The following CPS1 variants were observed in gnomAD, a reference collection of about 807,000 sequenced individuals.
The protein encoded by CPS1 is carbamoyl-phosphate synthase 1.
In CPS1, 109 loss-of-function variants were observed where a neutral mutation model predicts 174.6. That is an observed-to-expected ratio of 0.62 (90% CI 0.53 to 0.73). The LOEUF is 0.73. CPS1 is among the 30% of genes least tolerant of loss of function. The pLI is 0.00. For synonymous variants in CPS1, 637 were observed against 632.0 expected, an observed-to-expected ratio of 1.01 and a Z score of -0.12; for missense variants, 1,689 against 1,821.9, an observed-to-expected ratio of 0.93 and a Z score of 1.33.
At chr2:210,540,809 C>T (rs1400269830) in intron 1 of CPS1, among the ~76,000 whole-genome samples, 2 of 152,062 alleles carry the variant, frequency 1.3e-5, no homozygotes, top group Admixed American at 6.6e-5. Flanking sequence ...TTTATAATAT[C>T]GACTACTTTG....
In CPS1 at chr2:210,577,402, T is replaced by C; in HGVS notation, c.382-19T>C. The C allele has an allele frequency of 6.3e-7, 1 of 1,589,276 alleles. No individual in the cohort carries two copies. Among genetic ancestry groups the C allele is most frequent in the Non-Finnish European group, 8.6e-7 (1 of 1,157,432 alleles). On this transcript the variant is annotated intron_variant, in intron 3 of 37. Transcript: ENST00000233072. ...ATATCTTGTGATAACCTCTTTAAAA[T>C]GACTGTCTGTCTTTCTAGGTTTCAG...
intron 6 of CPS1, among the ~76,000 whole-genome samples, chr2:210,583,170 T>C (rs1697985969): frequency 6.6e-6 from 1 of 152,176 alleles, no homozygotes; most frequent in Admixed American, 6.6e-5. Flanking sequence ...ATTTATTGTG[T>C]TATAGCTTTG....
intron 22 of CPS1, 51 bp from the exon 23 acceptor site, chr2:210,639,099 A>G: frequency 1.3e-6 from 2 of 1,493,850 alleles, no homozygotes; most frequent in Non-Finnish European, 1.8e-6. Context: ...TAGTCTTGAA[A>G]AAATTATAAT....
chr2:210,518,822 T>G (rs1695747461), intron 1 of CPS1, among the ~76,000 whole-genome samples: 1 of 152,078 alleles, frequency 6.6e-6, no homozygotes. Context: ...GACCAACATT[T>G]CTGAATGCTG....
intron 20 of CPS1, among the ~76,000 whole-genome samples, chr2:210,613,339 C>T (rs1432019083): frequency 6.6e-6 from 1 of 151,882 alleles, no homozygotes; most frequent in Admixed American, 6.6e-5. Flanking sequence ...CTTATGGTTT[C>T]TAAATGGAAA....
Position 210,647,898 on chromosome 2 carries a change from G to T in CPS1, c.3177G>T (p.Gln1059His). The T allele has an allele frequency of 1.2e-6, 2 of 1,614,028 alleles. No individual in the cohort carries two copies. The highest frequency in any genetic ancestry group is 1.7e-6 in the Non-Finnish European group (2 of 1,179,948). ...GCTGCATCATATCAGTTGGAGGCCA[G>T]ATTCCAAACAACCTGGCAGTTCCTC... Reference protein sequence around the residue: ...CGGCIISVGGQIPNNLAVPLY... With the variant: ...CGGCIISVGGHIPNNLAVPLY... Residue 1059 changes from glutamine (Q) to histidine (H), a missense_variant, in exon 26 of 38, where the codon CAG (glutamine) becomes CAT (histidine). Transcript: ENST00000233072.
intron 20 of CPS1, among the ~76,000 whole-genome samples, chr2:210,615,235 T>G (rs1699268860): frequency 6.6e-6 from 1 of 151,890 alleles, no homozygotes; most frequent in African/African-American, 2.4e-5. Flanking sequence ...CTTTAATCAC[T>G]TAGAAAGTAA....
intron 1 of CPS1, among the ~76,000 whole-genome samples, chr2:210,502,498 A>T (rs1695172169): frequency 6.8e-6 from 1 of 148,038 alleles, no homozygotes; most frequent in South Asian, 2.1e-4. Flanking sequence ...ATATAAATAT[A>T]GAGATATATT....
At chr2:210,554,255 A>G (rs1313944344), upstream of CPS1, among the ~76,000 whole-genome samples, 1 of 148,706 alleles carries the variant, frequency 6.7e-6, no homozygotes, top group Non-Finnish European at 1.5e-5. Context: ...ATATACACAC[A>G]CATATATATA....
intron 25 of CPS1, among the ~76,000 whole-genome samples, chr2:210,643,910 C>T (rs1030479248): frequency 1.3e-5 from 2 of 151,996 alleles, no homozygotes; most frequent in African/African-American, 4.8e-5. Flanking sequence ...CCTTGTAAAT[C>T]CAGGTTCAGT....
intron 6 of CPS1, among the ~76,000 whole-genome samples, chr2:210,586,564 T>G (rs1347420285): frequency 6.6e-6 from 1 of 152,058 alleles, no homozygotes; most frequent in Non-Finnish European, 1.5e-5. Context: ...GGTTGCAAAA[T>G]GCTGCATAAG....
chr2:210,643,009 T>C (rs865869903), intron 25 of CPS1, among the ~76,000 whole-genome samples: 7 of 152,236 alleles, frequency 4.6e-5, no homozygotes, highest in African/African-American at 1.7e-4. Context: ...TGCAGAGTGA[T>C]TGAATTGGTC....
chr2:210,535,891 AC>A (rs1696239061), intron 1 of CPS1, among the ~76,000 whole-genome samples: 1 of 144,634 alleles, frequency 6.9e-6, no homozygotes. Flanking sequence ...ACGCAGCATA[AC>A]TCCTGCTTTT....
intron 1 of CPS1, among the ~76,000 whole-genome samples, chr2:210,549,449 A>G (rs1696662007): frequency 6.6e-6 from 1 of 152,068 alleles, no homozygotes; most frequent in South Asian, 2.1e-4. Flanking sequence ...TTGTAGGCAT[A>G]TTTAGACCAA....
At chr2:210,478,257 C>G (rs764694181) in intron 1 of CPS1, among the ~76,000 whole-genome samples, 10 of 152,214 alleles carry the variant, frequency 6.6e-5, no homozygotes, top group Admixed American at 1.3e-4. Flanking sequence ...TCAATTGTTT[C>G]TGTCATTTCC....
intron 1 of CPS1, among the ~76,000 whole-genome samples, chr2:210,522,102 A>G (rs1695841629): frequency 6.6e-6 from 1 of 151,928 alleles, no homozygotes; most frequent in Admixed American, 6.6e-5. Context: ...GTTCCCTCTG[A>G]TCTTTCCAGG....
intron 1 of CPS1, among the ~76,000 whole-genome samples, chr2:210,572,881 A>G (rs1040772976): frequency 6.6e-6 from 1 of 152,026 alleles, no homozygotes; most frequent in East Asian, 1.9e-4. Flanking sequence ...TCTCAGAGTG[A>G]TGATGAGCTG....
intron 1 of CPS1, among the ~76,000 whole-genome samples, chr2:210,538,095 T>G (rs925148967): frequency 1.4e-4 from 22 of 152,180 alleles, no homozygotes; most frequent in African/African-American, 5.3e-4. Context: ...CTCTTCTACA[T>G]TAGCCACTTT....
At chr2:210,567,871 T>C (rs1697353759) in intron 1 of CPS1, among the ~76,000 whole-genome samples, 2 of 152,250 alleles carry the variant, frequency 1.3e-5, no homozygotes, top group South Asian at 4.1e-4. Context: ...AGATGAAAAT[T>C]AGTAAAATGA....
Sources: gnomAD v4.1 joint callset for allele counts (sites outside exome capture counted in the v4.1 genomes callset) on GRCh38, gnomAD v4.1.1 for gene constraint, MANE v1.5 for transcripts, NCBI Gene and HGNC (gene_info 2026-07-23, HGNC 2026-07-21) for gene names.